The following CECR2 variants were observed in gnomAD, a reference collection of about 807,000 sequenced individuals.
CECR2 encodes the protein CECR2 histone acetyl-lysine reader, also known as chromatin remodeling regulator CECR2.
CECR2 carries 30 observed loss-of-function variants against 154.5 expected under a neutral mutation model. The observed-to-expected ratio is 0.19, with a 90% CI of 0.15 to 0.26. CECR2 has a LOEUF of 0.26. CECR2 is among the 10% of genes least tolerant of loss of function. The pLI is 1.00. For missense variants in CECR2, 1,743 were observed against 1,829.3 expected, an observed-to-expected ratio of 0.95 and a Z score of 0.86; for synonymous variants, 725 against 683.7, an observed-to-expected ratio of 1.06 and a Z score of -0.94.
At chr22:17,436,784 T>C (rs1247328715) in intron 1 of CECR2, among the ~76,000 whole-genome samples, 1 of 152,236 alleles carries the variant, frequency 6.6e-6, no homozygotes, top group Non-Finnish European at 1.5e-5. Context: ...GCCCCAGATG[T>C]GAACTCCTAT....
At chr22:17,502,063 G>T (rs777762184) in intron 5 of CECR2, among the ~76,000 whole-genome samples, 1 of 152,172 alleles carries the variant, frequency 6.6e-6, no homozygotes, top group Admixed American at 6.5e-5. Context: ...GAAAACAAGC[G>T]AAAAGTCCAC....
At chr22:17,430,327 A>G (rs2054402358) in intron 1 of CECR2, among the ~76,000 whole-genome samples, 2 of 152,196 alleles carry the variant, frequency 1.3e-5, no homozygotes, top group South Asian at 4.1e-4. Context: ...ATGTGTATCT[A>G]TAGAAAGGGC....
rs867081913 is a variant in CECR2, at chr22:17,373,612, T to G, written c.126+3703T>G. 2.0e-5 allele frequency among the ~76,000 whole-genome samples: 3 copies of G among 152,202 alleles called. No individual in the cohort carries two copies. In the South Asian group the frequency reaches 6.2e-4, roughly 31 times the overall value. ...GATGTTTTTGCTTTTCAGATGAGAT[T>G]GAGGTATAGCTGGAAAACAGATGAA... On this transcript the variant is annotated intron_variant, in intron 1 of 18. Coordinates refer to ENST00000262608, the MANE Select transcript of CECR2 (RefSeq NM_001290047.2).
At chr22:17,365,997 G>A (rs2146423749), upstream of CECR2, among the ~76,000 whole-genome samples, 1 of 152,174 alleles carries the variant, frequency 6.6e-6, no homozygotes, top group Admixed American at 6.5e-5. Context: ...AAGCAAAACA[G>A]AAAAACCAAA....
chr22:17,541,990 G>A (rs1168611422), intron 15 of CECR2, 23 bp downstream of exon 15: 2 of 1,605,846 alleles, frequency 1.2e-6, no homozygotes, highest in African/African-American at 2.7e-5. Context: ...CTCTGGAGGT[G>A]CAGGTGCAGG....
chr22:17,415,310 T>G (rs890469107), intron 1 of CECR2, among the ~76,000 whole-genome samples: 3 of 152,160 alleles, frequency 2.0e-5, no homozygotes, highest in African/African-American at 7.2e-5. Flanking sequence ...CAATCTCAGC[T>G]CACTGCAACC....
chr22:17,544,880 A>G (rs1001312077), intron 16 of CECR2, among the ~76,000 whole-genome samples: 1 of 139,526 alleles, frequency 7.2e-6, no homozygotes, highest in Non-Finnish European at 1.5e-5. Flanking sequence ...CTGAGGTGGG[A>G]GGATCACCTG....
At position 17,448,015 on chromosome 22, in the gene CECR2, A is replaced by G. The variant is rs952628695; in HGVS notation, c.127-29573A>G. Among the ~76,000 whole-genome samples, 24 of 152,270 alleles carry G rather than the reference A, an allele frequency of 1.6e-4. No homozygotes were observed. The East Asian group carries it at 2.7e-3, about 17-fold the overall frequency. On this transcript the variant is annotated intron_variant, in intron 1 of 18. Coordinates refer to ENST00000262608, the MANE Select transcript of CECR2 (RefSeq NM_001290047.2). ...TACTTTGAGATAATGTTGGGTAACA[A>G]TTTTTTAGAGAGTTTTAAGGAATGG...
chr22:17,368,057 A>T (rs2063012218), upstream of CECR2, among the ~76,000 whole-genome samples: 2 of 152,314 alleles, frequency 1.3e-5, no homozygotes, highest in Admixed American at 6.5e-5. Flanking sequence ...CCTTGTTAGA[A>T]GATGATGTAT....
chr22:17,529,114 T>G (rs1056402686), intron 9 of CECR2, among the ~76,000 whole-genome samples: 12 of 152,140 alleles, frequency 7.9e-5, no homozygotes, highest in African/African-American at 2.4e-4. Context: ...AAGAAAGCCC[T>G]CTCTGAAGAT....
intron 1 of CECR2, among the ~76,000 whole-genome samples, chr22:17,381,449 G>T (rs756571104): frequency 2.6e-5 from 4 of 152,272 alleles, no homozygotes; most frequent in Non-Finnish European, 5.9e-5. Flanking sequence ...CTGCTGGAGT[G>T]AGTGCATAAC....
Position 17,482,402 on chromosome 22 carries a change from C to T in CECR2, c.221+4720C>T, listed in dbSNP as rs553500741. 4.2e-3 allele frequency among the ~76,000 whole-genome samples: 638 copies of T among 152,074 alleles called. 2 individuals carry two copies. Among genetic ancestry groups the T allele is most frequent in the Non-Finnish European group, 6.4e-3 (435 of 67,998 alleles). On this transcript the variant is annotated intron_variant, in intron 2 of 18. Transcript: ENST00000262608. ...TCATGCCACCGTACTCCAGCCTGGG[C>T]GACAGAGCGAGACAAGACATAGCAT...
At chr22:17,389,649 A>G (rs777475334) in intron 1 of CECR2, among the ~76,000 whole-genome samples, 17 of 151,448 alleles carry the variant, frequency 1.1e-4, no homozygotes, top group Non-Finnish European at 1.6e-4. Flanking sequence ...TATTTTTGAG[A>G]TGGAGTCTCA....
At chr22:17,540,087 C>A (rs2056498347) in intron 13 of CECR2, among the ~76,000 whole-genome samples, 1 of 152,166 alleles carries the variant, frequency 6.6e-6, no homozygotes, top group Non-Finnish European at 1.5e-5. Flanking sequence ...CCTGCCTTGG[C>A]CTCCCAAAGT....
At chr22:17,364,795 C>G (rs2062993332), upstream of CECR2, among the ~76,000 whole-genome samples, 1 of 152,116 alleles carries the variant, frequency 6.6e-6, no homozygotes, top group Non-Finnish European at 1.5e-5. Flanking sequence ...CCACTGCACT[C>G]CAGCCTCGGC....
chr22:17,494,246 G>A (rs1280395363), intron 2 of CECR2, among the ~76,000 whole-genome samples: 1 of 152,182 alleles, frequency 6.6e-6, no homozygotes, highest in African/African-American at 2.4e-5. Flanking sequence ...ACAGGCATAT[G>A]CCACCACAAC....
intron 1 of CECR2, among the ~76,000 whole-genome samples, chr22:17,361,760 AAGAG>A (rs1377345156): frequency 1.3e-5 from 2 of 151,642 alleles, no homozygotes; most frequent in African/African-American, 2.4e-5. Flanking sequence ...AAAAAAAAAA[AAGAG>A]AGAGAGAGTG....
At position 17,475,455 on chromosome 22, in the gene CECR2, T is replaced by C. The variant is rs73876455; in HGVS notation, c.127-2133T>C. ...TTTCTGGACCTAGTTTATCTTGCTG[T>C]TGTTGTTTTTTCTCCCTTAAAAGAG... On this transcript the variant is annotated intron_variant, in intron 1 of 18. Coordinates refer to ENST00000262608, the MANE Select transcript of CECR2 (RefSeq NM_001290047.2). 2.1e-3 allele frequency among the ~76,000 whole-genome samples: 316 copies of C among 152,148 alleles called. 1 individual carries two copies. Among genetic ancestry groups the C allele is most frequent in the African/African-American group, 7.0e-3 (292 of 41,512 alleles).
chr22:17,401,969 A>G (rs906810434), intron 1 of CECR2, among the ~76,000 whole-genome samples: 3 of 151,944 alleles, frequency 2.0e-5, no homozygotes, highest in Admixed American at 6.6e-5. Flanking sequence ...GCTCAATACC[A>G]TACCCAGCTC....
Sources: gnomAD v4.1 joint callset for allele counts (sites outside exome capture counted in the v4.1 genomes callset) on GRCh38, gnomAD v4.1.1 for gene constraint, MANE v1.5 for transcripts, NCBI Gene and HGNC (gene_info 2026-07-23, HGNC 2026-07-21) for gene names.